Variants in PLD5 observed in about 807,000 individuals in gnomAD.
PLD5 encodes the protein inactive phospholipase D5.
PLD5 carries 36 observed loss-of-function variants against 61.1 expected under a neutral mutation model. The observed-to-expected ratio is 0.59, with a 90% CI of 0.45 to 0.78. PLD5 has a LOEUF of 0.78. Among genes scored for constraint, PLD5 ranks in the 30% least tolerant of loss-of-function variants. The pLI is 0.00. For synonymous variants in PLD5, 243 were observed against 242.8 expected (o/e 1.00, Z -0.01); for missense variants, 515 against 644.4 (o/e 0.80, Z 2.17).
intron 4 of PLD5, among the ~76,000 whole-genome samples, chr1:242,242,086 G>T (rs867015129): frequency 6.8e-6 from 1 of 147,992 alleles, no homozygotes; most frequent in South Asian, 2.1e-4. Context: ...TTGACAAAAT[G>T]ATCATTAAAA....
intron 5 of PLD5, among the ~76,000 whole-genome samples, chr1:242,194,573 T>TCTATCTAA (rs1668484132): frequency 3.0e-5 from 2 of 67,610 alleles, no homozygotes; most frequent in Non-Finnish European, 5.1e-5. Flanking sequence ...TCTATATCTA[T>TCTATCTAA]CTATCTATCT....
At chr1:242,467,331 C>T (rs1667308136) in intron 1 of PLD5, among the ~76,000 whole-genome samples, 1 of 151,892 alleles carries the variant, frequency 6.6e-6, no homozygotes, top group African/African-American at 2.4e-5. Context: ...TCAGTGTTAC[C>T]AAATGTTAAC....
At chr1:242,414,225 T>C (rs1410945930) in intron 1 of PLD5, among the ~76,000 whole-genome samples, 3 of 152,134 alleles carry the variant, frequency 2.0e-5, no homozygotes, top group Middle Eastern at 3.2e-3. Context: ...TAAAATAAAA[T>C]CTGTGAAACG....
chr1:242,294,025 T>C (rs1454820240), intron 2 of PLD5, among the ~76,000 whole-genome samples: 1 of 152,234 alleles, frequency 6.6e-6, no homozygotes, highest in Non-Finnish European at 1.5e-5. Context: ...ATACTCATAC[T>C]TCTCAAGGTA....
chr1:242,113,564 C>T (rs1393563314), intron 7 of PLD5, among the ~76,000 whole-genome samples: 1 of 152,084 alleles, frequency 6.6e-6, no homozygotes, highest in Non-Finnish European at 1.5e-5. Context: ...TAATTTTTTT[C>T]ATATAATATT....
In PLD5 at chr1:242,134,400, T is replaced by TA. The variant is rs3051851; in HGVS notation, c.736-9736dup. ...GTAGCCTTCAGTTTTTTTTTTTTTT[T>TA]AATAAATAATTAGAAAAAGAAAATT... On this transcript the variant is annotated intron_variant, in intron 5 of 9. Coordinates refer to ENST00000536534, the MANE Select transcript of PLD5 (RefSeq NM_001372062.1). 1.4e-3 allele frequency among the ~76,000 whole-genome samples: 218 copies of TA among 151,328 alleles called. 1 individual carries two copies. Among genetic ancestry groups the TA allele is most frequent in the African/African-American group, 4.5e-3 (187 of 41,294 alleles).
intron 6 of PLD5, among the ~76,000 whole-genome samples, chr1:242,114,724 C>G (rs1661807994): frequency 6.6e-6 from 1 of 152,022 alleles, no homozygotes; most frequent in African/African-American, 2.4e-5. Context: ...TGTGTGATCG[C>G]CTTATGAGAT....
chr1:242,129,757 T>C (rs1328675632), intron 5 of PLD5, among the ~76,000 whole-genome samples: 2 of 152,196 alleles, frequency 1.3e-5, no homozygotes, highest in Non-Finnish European at 1.5e-5. Context: ...ATAGTATACA[T>C]TGTACTCATT....
chr1:242,117,372 G>A (rs891922157), intron 6 of PLD5, among the ~76,000 whole-genome samples: 6 of 134,174 alleles, frequency 4.5e-5, no homozygotes, highest in African/African-American at 8.6e-5. Flanking sequence ...GCTCAAATGT[G>A]ATCTCCTCCA....
intron 5 of PLD5, among the ~76,000 whole-genome samples, chr1:242,169,548 C>T (rs776066681): frequency 2.6e-5 from 4 of 152,058 alleles, no homozygotes; most frequent in Non-Finnish European, 5.9e-5. Flanking sequence ...TTTTCCATAC[C>T]CCAGTGGTGC....
At chr1:242,346,252 C>CCAGACCCT (rs1660130905) in intron 2 of PLD5, among the ~76,000 whole-genome samples, 2 of 151,392 alleles carry the variant, frequency 1.3e-5, no homozygotes, top group Non-Finnish European at 2.9e-5. Flanking sequence ...AAAATTAAAG[C>CCAGACCCT]AAATTTTAGC....
intron 5 of PLD5, among the ~76,000 whole-genome samples, chr1:242,144,541 G>A (rs998991391): frequency 2.0e-5 from 3 of 152,220 alleles, no homozygotes; most frequent in Non-Finnish European, 2.9e-5. Context: ...AGCACTTTGG[G>A]AGGCTGAGGC....
In PLD5 at chr1:242,159,999, CT is replaced by C. The variant is rs201535348; in HGVS notation, c.736-35335del. ...ATTCATTAAAAATATTAGCTGAATT[CT>C]TTTTTTTTCCCTTTTATTTTTTTTT... On this transcript the variant is annotated intron_variant, in intron 5 of 9. Transcript: ENST00000536534. 5.1e-4 allele frequency among the ~76,000 whole-genome samples: 77 copies of C among 150,794 alleles called. 1 individual carries two copies. Among genetic ancestry groups the C allele is most frequent in the East Asian group, 2.2e-3 (11 of 5,088 alleles).
intron 5 of PLD5, among the ~76,000 whole-genome samples, chr1:242,207,150 G>T (rs1250488531): frequency 6.6e-6 from 1 of 152,150 alleles, no homozygotes; most frequent in Non-Finnish European, 1.5e-5. Context: ...ATCACATCTA[G>T]AAAATACCTC....
chr1:242,194,531 T>C (rs939205337), intron 5 of PLD5, among the ~76,000 whole-genome samples: 12 of 152,052 alleles, frequency 7.9e-5, no homozygotes, highest in African/African-American at 2.9e-4. Flanking sequence ...TCAATGCCCA[T>C]CAATCAACAA....
At chr1:242,245,848 C>T (rs923407745) in intron 4 of PLD5, among the ~76,000 whole-genome samples, 5 of 152,136 alleles carry the variant, frequency 3.3e-5, no homozygotes, top group African/African-American at 1.2e-4. Flanking sequence ...AGACCCACCA[C>T]TGGTTTGCAT....
intron 5 of PLD5, among the ~76,000 whole-genome samples, chr1:242,214,977 C>T (rs917052183): frequency 4.9e-5 from 7 of 143,820 alleles, no homozygotes; most frequent in African/African-American, 1.3e-4. Context: ...CCCGGGTTCA[C>T]GCCATTCTCC....
intron 2 of PLD5, among the ~76,000 whole-genome samples, chr1:242,301,760 T>TAA (rs1676048449): frequency 1.9e-5 from 1 of 51,430 alleles, no homozygotes; most frequent in African/African-American, 6.8e-5. Flanking sequence ...TTTTATTTTT[T>TAA]AAAACATTAT....
At chr1:242,289,886 A>G (rs1237429400) in intron 2 of PLD5, among the ~76,000 whole-genome samples, 1 of 151,814 alleles carries the variant, frequency 6.6e-6, no homozygotes, top group African/African-American at 2.4e-5. Flanking sequence ...TGAAACAAAA[A>G]CAATACTGCT....
Sources: allele counts gnomAD v4.1 joint callset (sites outside exome capture counted in the v4.1 genomes callset), GRCh38; gene constraint gnomAD v4.1.1; transcripts MANE v1.5; gene names NCBI Gene and HGNC (gene_info 2026-07-23, HGNC 2026-07-21).